CACNA2D2: variants seen among roughly 807,000 people sequenced by gnomAD.
CACNA2D2 encodes calcium voltage-gated channel auxiliary subunit alpha2delta 2, also known as voltage-dependent calcium channel subunit alpha-2/delta-2.
In CACNA2D2, 48 loss-of-function variants were observed where a neutral mutation model predicts 166.4. That is an observed-to-expected ratio of 0.29 (90% confidence interval 0.23 to 0.37). CACNA2D2 has a LOEUF of 0.37. Ranked by LOEUF, CACNA2D2 falls within the 10% of genes least tolerant of loss-of-function variation. The pLI is 1.00. For synonymous variants in CACNA2D2, 561 were observed against 573.7 expected (o/e 0.98, Z 0.32); for missense variants, 1,122 against 1,433.0 (o/e 0.78, Z 3.50).
chr3:50,483,709 G>A (rs1204158409), intron 1 of CACNA2D2, among the ~76,000 whole-genome samples: 4 of 152,132 alleles, frequency 2.6e-5, no homozygotes, highest in Admixed American at 1.3e-4. Flanking sequence ...TGGCCTCTGC[G>A]GGTCTCAGTT....
At chr3:50,410,751 G>A (rs1023775873) in intron 3 of CACNA2D2, among the ~76,000 whole-genome samples, 1 of 152,252 alleles carries the variant, frequency 6.6e-6, no homozygotes, top group Non-Finnish European at 1.5e-5. Context: ...GGAGGGAGCT[G>A]TTCCAAACAA....
At chr3:50,405,590 T>C (rs992187260) in intron 3 of CACNA2D2, among the ~76,000 whole-genome samples, 4 of 152,176 alleles carry the variant, frequency 2.6e-5, no homozygotes, top group East Asian at 1.9e-4. Flanking sequence ...ACAGAAACGG[T>C]AGGTCTGCTC....
chr3:50,451,541 A>G (rs577379724), intron 2 of CACNA2D2, among the ~76,000 whole-genome samples: 49 of 152,206 alleles, frequency 3.2e-4, no homozygotes, highest in South Asian at 1.2e-3. Context: ...TAATTAACCC[A>G]CTGAGCAGGC....
chr3:50,474,322 C>A (rs1371034905), intron 2 of CACNA2D2, among the ~76,000 whole-genome samples: 1 of 152,164 alleles, frequency 6.6e-6, no homozygotes, highest in Non-Finnish European at 1.5e-5. Flanking sequence ...AAAAAAGGGG[C>A]GTATCTGTAT....
In CACNA2D2 at chr3:50,365,359, G is replaced by A. The variant is rs765799361; in HGVS notation, c.3095C>T (p.Ser1032Phe). The A allele has an allele frequency of 1.2e-6, 2 of 1,613,262 alleles. No individual in the cohort carries two copies. Among genetic ancestry groups the A allele is most frequent in the Non-Finnish European group, 1.7e-6 (2 of 1,179,694 alleles). The change falls in exon 35 of 38, where the codon TCC (serine) becomes TTC (phenylalanine). Residue 1032 changes from serine to phenylalanine, a missense_variant. Physicochemically the swap from Ser to Phe is radical, Grantham distance 155. Coordinates refer to ENST00000424201, the MANE Select transcript of CACNA2D2 (RefSeq NM_006030.4). This position sits in a 1 kb window ranked among gnomAD's most constrained non-coding sequence, Gnocchi z 4.5. The part of the protein sequence containing the change: ...YNAIIDCGNC[S>F]RLFHAQRLTN... ...GGTCCCGCCCCACTGCCAGCACCTG[G>A]AGCAGTTTCCGCAGTCGATGATGGC...
intron 16 of CACNA2D2, 48 bp downstream of exon 16, chr3:50,377,684 C>T (rs777148948): frequency 6.3e-7 from 1 of 1,582,236 alleles, no homozygotes; most frequent in Non-Finnish European, 8.7e-7. Flanking sequence ...TGGGCATGCC[C>T]ATTCCTCCCC....
At position 50,427,332 on chromosome 3, in the gene CACNA2D2, A is replaced by G. The variant is rs1181431921; in HGVS notation, c.405+6981T>C. ...GTGTCCAACAGATTCCCAATCCCCA[A>G]TGCTTCCCCCATCCCTGGGGACCCC... On this transcript the variant is annotated intron_variant, in intron 3 of 37. Transcript: ENST00000424201. This position sits in a 1 kb window ranked among gnomAD's most constrained non-coding sequence, Gnocchi z 4.7. Among the ~76,000 whole-genome samples, 1 of 152,114 alleles carries G rather than the reference A, an allele frequency of 6.6e-6. No homozygotes were observed. The highest frequency in any genetic ancestry group is 1.5e-5 in the Non-Finnish European group (1 of 68,026).
chr3:50,402,814 C>A (rs1322062855), intron 3 of CACNA2D2, among the ~76,000 whole-genome samples: 1 of 152,212 alleles, frequency 6.6e-6, no homozygotes, highest in Non-Finnish European at 1.5e-5. Flanking sequence ...AAATTATGAT[C>A]CATAATTCAT....
Position 50,364,100 on chromosome 3 carries a change from CTG to C in CACNA2D2, c.*564_*565del, listed in dbSNP as rs1043432050. ...TGGGGTAGTGTCTGAACTGGTATCA[CTG>C]TGACTATCCTGACACCTGGTGGGCT... On this transcript the variant is annotated 3_prime_UTR_variant, in exon 38 of 38. Coordinates refer to ENST00000424201, the MANE Select transcript of CACNA2D2 (RefSeq NM_006030.4). 3.2e-5 allele frequency: 5 copies of C among 156,260 alleles called. No individual in the cohort carries two copies. The highest frequency in any genetic ancestry group is 7.1e-5 in the Non-Finnish European group (5 of 70,754). The allele number at this position is 156,260 out of a possible 1,614,324, so 9.7% of individuals were successfully genotyped here. A position where few individuals can be genotyped will look rare whatever the true frequency, so the allele number is the denominator to read the frequency against.
chr3:50,448,421 A>G (rs1441275218), intron 2 of CACNA2D2, among the ~76,000 whole-genome samples: 1 of 152,094 alleles, frequency 6.6e-6, no homozygotes, highest in Non-Finnish European at 1.5e-5. Context: ...GTATCTGTAC[A>G]TGTATGTAGG....
At position 50,364,526 on chromosome 3, in the gene CACNA2D2, C is replaced by T; in HGVS notation, c.*140G>A. 9.2e-7 allele frequency: 1 copy of T among 1,090,840 alleles called. No homozygotes were observed. The highest frequency in any genetic ancestry group is 1.3e-6 in the Non-Finnish European group (1 of 787,086). The allele number at this position is 1,090,840 out of a possible 1,614,324, so 67.6% of individuals were successfully genotyped here. ...GGGACTCCCCATCCCAAGGCGCAGACCAGACTCTCAGGGCCTGGCCAGCTC... is the reference window on the plus strand; with the variant it reads ...GGGACTCCCCATCCCAAGGCGCAGATCAGACTCTCAGGGCCTGGCCAGCTC... On this transcript the variant is annotated 3_prime_UTR_variant, in exon 38 of 38. Transcript: ENST00000424201.
Position 50,476,123 on chromosome 3 carries a change from G to C in CACNA2D2, c.283C>G (p.Arg95Gly). ...MRIFGGVQQL[R>G]EIYKDNRNLF... ...GCAAGTGGCACCGGGCTCACCTCAC[G>C]GAGCTGCTGGACGCCTCCAAAAATC... The change falls in exon 2 of 38, where the codon CGT becomes GGT. Residue 95 changes from arginine (R) to glycine (G), a missense_variant. Physicochemically the swap from Arg to Gly is moderately radical, Grantham distance 125. Around this residue, in one of 2 missense-constraint regions of CACNA2D2, gnomAD observed 840 missense variants for 1,166.8 expected, o/e 0.72. Coordinates refer to ENST00000424201, the MANE Select transcript of CACNA2D2 (RefSeq NM_006030.4). 1 of 1,599,486 alleles carries C rather than the reference G, an allele frequency of 6.3e-7. No individual in the cohort carries two copies. The highest frequency in any genetic ancestry group is 8.5e-7 in the Non-Finnish European group (1 of 1,173,450).
chr3:50,370,663 C>G (rs1704608872), intron 22 of CACNA2D2, among the ~76,000 whole-genome samples: 1 of 152,044 alleles, frequency 6.6e-6, no homozygotes, highest in Non-Finnish European at 1.5e-5. Context: ...CTTGGCGTGG[C>G]TGTATATGCT....
chr3:50,500,211 C>T (rs1024190534), intron 1 of CACNA2D2, among the ~76,000 whole-genome samples: 1 of 152,036 alleles, frequency 6.6e-6, no homozygotes, highest in African/African-American at 2.4e-5. Context: ...TGTCATTAAT[C>T]TGCTGGTGGT....
chr3:50,475,498 T>C (rs1392575529), intron 2 of CACNA2D2, among the ~76,000 whole-genome samples: 2 of 152,146 alleles, frequency 1.3e-5, no homozygotes, highest in Non-Finnish European at 2.9e-5. Flanking sequence ...TAGAGAGCAA[T>C]GGCTCAGGAG....
At chr3:50,396,538 C>T (rs1047123753) in intron 3 of CACNA2D2, among the ~76,000 whole-genome samples, 3 of 152,170 alleles carry the variant, frequency 2.0e-5, no homozygotes, top group African/African-American at 4.8e-5. Flanking sequence ...CTGCCCACGC[C>T]GACCCCAAAC....
chr3:50,478,933 T>C (rs909335818), intron 1 of CACNA2D2, among the ~76,000 whole-genome samples: 3 of 152,230 alleles, frequency 2.0e-5, no homozygotes, highest in African/African-American at 7.2e-5. Flanking sequence ...CCCAGGCTGT[T>C]GACTCTTCTA....
At position 50,380,731 on chromosome 3, in the gene CACNA2D2, C is replaced by A; in HGVS notation, c.842+17G>T. 6.6e-7 allele frequency: 1 copy of A among 1,510,610 alleles called. No homozygotes were observed. Among genetic ancestry groups the A allele is most frequent in the Non-Finnish European group, 8.9e-7 (1 of 1,128,812 alleles). The allele number at this position is 1,510,610 out of a possible 1,614,324, so 93.6% of individuals were successfully genotyped here. Reference sequence around the variant, plus strand: ...ACTGAGGGGGTGTCCCTCCCCAGCCCCTTCTTGCTCGCTCACCAGGGTCTC... The same window carrying A: ...ACTGAGGGGGTGTCCCTCCCCAGCCACTTCTTGCTCGCTCACCAGGGTCTC... On this transcript the variant is annotated intron_variant, in intron 8 of 37. Transcript: ENST00000424201. This position sits in a 1 kb window ranked among gnomAD's most constrained non-coding sequence, Gnocchi z 4.9.
rs1705053799 is a variant in CACNA2D2 at position 50,377,513 on chromosome 3, A to G, written c.1580T>C (p.Ile527Thr). The G allele has an allele frequency of 1.9e-6, 3 of 1,613,258 alleles. No individual in the cohort carries two copies. Among genetic ancestry groups the G allele is most frequent in the Non-Finnish European group, 2.5e-6 (3 of 1,180,004 alleles). The change falls in exon 17 of 38, where the codon ATT becomes ACT. Residue 527 changes from isoleucine to threonine, a missense_variant. Physicochemically the swap from Ile to Thr is moderately conservative, Grantham distance 89. Coordinates refer to ENST00000424201, the MANE Select transcript of CACNA2D2 (RefSeq NM_006030.4). ...KNQLILGVMG[I>T]DVALNDIKRL... ...CTTGATGTCATTCAGAGCCACGTCA[A>G]TGCCCATCACGCCCAGGATCAGCTG...
Sources: gnomAD v4.1 joint callset for allele counts (sites outside exome capture counted in the v4.1 genomes callset) on GRCh38, gnomAD v4.1.1 for gene constraint, gnomAD v4.1.1 regional missense constraint, Gnocchi (gnomAD v3.1) non-coding constraint, MANE v1.5 for transcripts, NCBI Gene and HGNC (gene_info 2026-07-23, HGNC 2026-07-21) for gene names.